NTN4: variants seen among roughly 807,000 people sequenced by gnomAD.
The protein encoded by NTN4 is netrin 4.
Under a neutral mutation model 73.6 loss-of-function variants are expected in NTN4, and 32 were observed. The observed-to-expected ratio is 0.44, with a 90% confidence interval of 0.33 to 0.58. NTN4 has a LOEUF of 0.58. NTN4 is among the 20% of genes least tolerant of loss of function. The probability of loss-of-function intolerance (pLI) is 0.04; values close to 1 mark genes in which losing one functional copy is unlikely to be tolerated. For missense variants in NTN4, 654 were observed against 798.3 expected (o/e 0.82, Z 2.18); for synonymous variants, 258 against 287.5 (o/e 0.90, Z 1.04).
At chr12:95,695,920 C>A (rs2078437773) in intron 5 of NTN4, among the ~76,000 whole-genome samples, 1 of 151,552 alleles carries the variant, frequency 6.6e-6, no homozygotes, top group African/African-American at 2.4e-5. Flanking sequence ...TCCTCCCTCC[C>A]TCCCTCTTTT....
intron 5 of NTN4, among the ~76,000 whole-genome samples, chr12:95,690,768 A>G (rs185021969): frequency 3.5e-4 from 54 of 152,266 alleles, no homozygotes; most frequent in Non-Finnish European, 7.1e-4. Context: ...AGTCAAGTCA[A>G]TTTGGTTCTT....
intron 2 of NTN4, among the ~76,000 whole-genome samples, chr12:95,780,241 A>C (rs891727652): frequency 2.0e-5 from 3 of 152,136 alleles, no homozygotes; most frequent in Non-Finnish European, 2.9e-5. Context: ...TAGGCATGGG[A>C]AAGGACTTCA....
intron 9 of NTN4, among the ~76,000 whole-genome samples, chr12:95,659,479 G>A (rs766886268): frequency 4.4e-4 from 67 of 152,006 alleles, no homozygotes; most frequent in Non-Finnish European, 7.9e-4. Flanking sequence ...CATATTTTTT[G>A]TCGAGATGGG....
intron 2 of NTN4, among the ~76,000 whole-genome samples, chr12:95,755,441 G>A (rs887923610): frequency 2.0e-5 from 3 of 152,200 alleles, no homozygotes; most frequent in African/African-American, 7.2e-5. Flanking sequence ...GTGGGCGTCT[G>A]CAGCTGGTTG....
chr12:95,699,728 T>C (rs536062765), intron 5 of NTN4, among the ~76,000 whole-genome samples: 42 of 152,196 alleles, frequency 2.8e-4, no homozygotes, highest in African/African-American at 1.0e-3. Context: ...TCTTGGTAAA[T>C]GCTTGGTTTG....
chr12:95,773,116 G>C (rs1003974269), intron 2 of NTN4, among the ~76,000 whole-genome samples: 4 of 151,654 alleles, frequency 2.6e-5, no homozygotes, highest in Non-Finnish European at 5.9e-5. Flanking sequence ...TTATTCTCAT[G>C]CCTCCGCCTC....
At chr12:95,777,442 G>A (rs1397867389) in intron 2 of NTN4, among the ~76,000 whole-genome samples, 1 of 152,132 alleles carries the variant, frequency 6.6e-6, no homozygotes, top group Non-Finnish European at 1.5e-5. Context: ...ACATGCATAG[G>A]CTCATATAAA....
chr12:95,673,065 G>A, intron 7 of NTN4: 1 of 1,479,238 alleles, frequency 6.8e-7, no homozygotes. Flanking sequence ...AGGCCAAGAA[G>A]TGAAGGCCGG....
intron 3 of NTN4, among the ~76,000 whole-genome samples, chr12:95,730,340 C>T (rs1443141376): frequency 6.6e-6 from 1 of 152,112 alleles, no homozygotes; most frequent in Non-Finnish European, 1.5e-5. Context: ...AGCTCTGATA[C>T]CAACATTTTA....
intron 4 of NTN4, among the ~76,000 whole-genome samples, 159 bp downstream of exon 4, chr12:95,713,053 G>A (rs1003537832): frequency 9.9e-5 from 15 of 152,142 alleles, no homozygotes; most frequent in Non-Finnish European, 5.9e-5. Flanking sequence ...ACTGTTTTCA[G>A]TGGCTGAAGC....
At chr12:95,754,489 G>A (rs1326741660) in intron 2 of NTN4, among the ~76,000 whole-genome samples, 1 of 152,068 alleles carries the variant, frequency 6.6e-6, no homozygotes, top group Non-Finnish European at 1.5e-5. Context: ...CCAAGCCATC[G>A]CATCCCCTGT....
chr12:95,690,684 A>C (rs2078395503), intron 5 of NTN4, among the ~76,000 whole-genome samples: 2 of 152,136 alleles, frequency 1.3e-5, no homozygotes, highest in South Asian at 4.1e-4. Context: ...ACATTACTTA[A>C]AATGAAATCA....
At chr12:95,754,200 C>A (rs1003818123) in intron 2 of NTN4, among the ~76,000 whole-genome samples, 1 of 152,152 alleles carries the variant, frequency 6.6e-6, no homozygotes, top group Non-Finnish European at 1.5e-5. Context: ...TCATACAAAA[C>A]TGTATCCAGG....
At chr12:95,672,987 G>A (rs2078245375) in intron 7 of NTN4, 1 of 1,182,082 alleles carries the variant, frequency 8.5e-7, no homozygotes, top group Non-Finnish European at 1.3e-6. Context: ...AGCCCATCAG[G>A]TGCATGGAGT....
intron 8 of NTN4, among the ~76,000 whole-genome samples, chr12:95,669,140 G>A (rs1306760797): frequency 2.0e-5 from 3 of 151,810 alleles, no homozygotes; most frequent in Admixed American, 2.0e-4. Context: ...CCCAGAAGGT[G>A]GAGGTTGCAG....
chr12:95,748,371 C>T (rs1027671386), intron 2 of NTN4, among the ~76,000 whole-genome samples: 3 of 151,662 alleles, frequency 2.0e-5, no homozygotes, highest in Admixed American at 6.6e-5. Flanking sequence ...TTTACACCAA[C>T]TGCAGGAATG....
upstream of NTN4, among the ~76,000 whole-genome samples, chr12:95,790,929 G>GT (rs1555222870): frequency 4.1e-5 from 1 of 24,636 alleles, no homozygotes; most frequent in Non-Finnish European, 7.9e-5. This position sits in a 1 kb window ranked among gnomAD's most constrained non-coding sequence, Gnocchi z 6.5. Flanking sequence ...GCTGCCGCCC[G>GT]GGGGGGGGGT....
chr12:95,735,402 G>GT (rs1304688465), intron 3 of NTN4, among the ~76,000 whole-genome samples: 1 of 152,160 alleles, frequency 6.6e-6, no homozygotes, highest in Non-Finnish European at 1.5e-5. Context: ...CACATGCTTA[G>GT]TAATGGCACT....
intron 2 of NTN4, among the ~76,000 whole-genome samples, chr12:95,754,769 A>C (rs1592706056): frequency 6.6e-6 from 1 of 151,032 alleles, no homozygotes. Context: ...AAACGGCCCC[A>C]CCCCATCTCC....
Sources: gnomAD v4.1 joint callset for allele counts (sites outside exome capture counted in the v4.1 genomes callset) on GRCh38, gnomAD v4.1.1 for gene constraint, Gnocchi (gnomAD v3.1) non-coding constraint, MANE v1.5 for transcripts, NCBI Gene and HGNC (gene_info 2026-07-23, HGNC 2026-07-21) for gene names.